The following ZBTB17 variants were observed in gnomAD, a reference collection of about 807,000 sequenced individuals.
ZBTB17 encodes the protein zinc finger and BTB domain containing 17, also known as zinc finger and BTB domain-containing protein 17.
In ZBTB17, 24 loss-of-function variants were observed where a neutral mutation model predicts 85.1. The observed-to-expected ratio is 0.28, with a 90% CI of 0.20 to 0.40. ZBTB17 has a LOEUF of 0.40. Ranked by LOEUF, ZBTB17 falls within the 10% of genes least tolerant of loss-of-function variation. ZBTB17 has a pLI of 1.00. For synonymous variants in ZBTB17, 464 were observed against 460.2 expected (o/e 1.01, Z -0.11); for missense variants, 743 against 1,105.1 (o/e 0.67, Z 4.65).
chr1:15,946,848 A>G, intron 4 of ZBTB17, 87 bp downstream of exon 4: 2 of 1,468,280 alleles, frequency 1.4e-6, no homozygotes, highest in Non-Finnish European at 1.8e-6. Flanking sequence ...AGATGAGGAA[A>G]CTGAGACCCA....
Position 15,952,451 on chromosome 1 carries a change from G to A in ZBTB17, c.-2-3954C>T, listed in dbSNP as rs2071894875. ...CGCGGCAGAACCGACACGGCGGAAC[G>A]GACGCGGATGATGCAGAGCCCCTCT... On this transcript the variant is annotated intron_variant, in intron 2 of 15. Coordinates refer to ENST00000375743, the MANE Select transcript of ZBTB17 (RefSeq NM_003443.3). The surrounding 1 kb of genome is among the most constrained non-coding windows in gnomAD (Gnocchi z 4.3). Among the ~76,000 whole-genome samples the A allele has an allele frequency of 1.3e-5, 2 of 152,248 alleles. No homozygotes were observed. Among genetic ancestry groups the A allele is most frequent in the African/African-American group, 2.4e-5 (1 of 41,460 alleles).
chr1:15,972,967 G>A (rs1347128592), intron 2 of ZBTB17, 72 bp downstream of exon 2: 1 of 152,174 alleles, frequency 6.6e-6, no homozygotes, highest in Non-Finnish European at 1.5e-5. Context: ...AGAATCATTT[G>A]AATCATGTTG....
chr1:15,970,720 T>C (rs1333561122), intron 2 of ZBTB17, among the ~76,000 whole-genome samples: 1 of 152,038 alleles, frequency 6.6e-6, no homozygotes, highest in Non-Finnish European at 1.5e-5. Context: ...AGCTAATTTT[T>C]GTATTTTTAG....
At position 15,973,604 on chromosome 1, in the gene ZBTB17, T is replaced by C. The variant is rs2072755136; in HGVS notation, c.-89-479A>G. Among the ~76,000 whole-genome samples, 1 of 152,130 alleles carries C rather than the reference T, an allele frequency of 6.6e-6. No individual in the cohort carries two copies. Among genetic ancestry groups the C allele is most frequent in the South Asian group, 2.1e-4 (1 of 4,824 alleles). ...TCCAACATGTTCAAAACTAAACATA[T>C]CTGCCCTCCCCCAGATCTGCTCCCC... On this transcript the variant is annotated intron_variant, in intron 1 of 15. Coordinates refer to ENST00000375743, the MANE Select transcript of ZBTB17 (RefSeq NM_003443.3). This position sits in a 1 kb window ranked among gnomAD's most constrained non-coding sequence, Gnocchi z 4.1.
Position 15,975,999 on chromosome 1 carries a change from C to T in ZBTB17, c.-106G>A. 1.4e-6 allele frequency: 1 copy of T among 699,346 alleles called. No homozygotes were observed. Among genetic ancestry groups the T allele is most frequent in the Non-Finnish European group, 2.6e-6 (1 of 383,320 alleles). 43.3% of individuals were successfully genotyped at this position (699,346 alleles called of 1,614,324 possible). On this transcript the variant is annotated 5_prime_UTR_variant, in exon 1 of 16. Transcript: ENST00000375743. ...GACACTCACCTGCCATGTCCCGGAC[C>T]CCACCGCAGAGGGAGGTGCATCACG...
At position 15,947,143 on chromosome 1, in the gene ZBTB17, T is replaced by C. The variant is rs1434226263; in HGVS notation, c.206-20A>G. The C allele has an allele frequency of 3.8e-6, 6 of 1,590,478 alleles. No homozygotes were observed. Among genetic ancestry groups the C allele is most frequent in the Non-Finnish European group, 5.2e-6 (6 of 1,161,774 alleles). On this transcript the variant is annotated intron_variant, in intron 3 of 15. Coordinates refer to ENST00000375743, the MANE Select transcript of ZBTB17 (RefSeq NM_003443.3). ...CCAGGCCTACCAAGGACAGGACAGC[T>C]GTCACAGACCCACCTCAAGATCCGG...
chr1:15,947,242 G>C, intron 3 of ZBTB17, 119 bp from the exon 4 acceptor site: 1 of 1,043,566 alleles, frequency 9.6e-7, no homozygotes, highest in South Asian at 1.6e-5. Context: ...TGGCAAGCCT[G>C]CATCGCCCCA....
chr1:15,955,852 AGGTGACAGAG>A (rs2072027276), intron 2 of ZBTB17, among the ~76,000 whole-genome samples: 3 of 152,174 alleles, frequency 2.0e-5, no homozygotes, highest in Admixed American at 2.0e-4. Flanking sequence ...ACTCCAGCCT[AGGTGACAGAG>A]GGAGACCCTA....
rs2072370685 is a variant in ZBTB17, at chr1:15,964,503, A to G, written c.-3+8536T>C. 6.6e-6 allele frequency among the ~76,000 whole-genome samples: 1 copy of G among 151,998 alleles called. No homozygotes were observed. Among genetic ancestry groups the G allele is most frequent in the African/African-American group, 2.4e-5 (1 of 41,390 alleles). Reference sequence around the variant, plus strand: ...GAGGCTGAGGTGGGAGGATTGCTTGAGCCCAGGAATTCAAGACTAGCTTGG... The same window carrying G: ...GAGGCTGAGGTGGGAGGATTGCTTGGGCCCAGGAATTCAAGACTAGCTTGG... On this transcript the variant is annotated intron_variant, in intron 2 of 15. Transcript: ENST00000375743. This position sits in a 1 kb window ranked among gnomAD's most constrained non-coding sequence, Gnocchi z 4.3.
intron 2 of ZBTB17, chr1:15,969,629 A>T (rs1196250312): frequency 2.3e-6 from 1 of 439,022 alleles, no homozygotes; most frequent in Non-Finnish European, 4.6e-6. Flanking sequence ...GGGCAGGGAG[A>T]TGATAAATTG....
chr1:15,942,991 C>T (rs903449592), intron 13 of ZBTB17, 73 bp downstream of exon 13: 39 of 1,587,762 alleles, frequency 2.5e-5, no homozygotes, highest in East Asian at 2.3e-5. Flanking sequence ...CTGGGGGGTC[C>T]CTTCCTTCCC....
At position 15,973,271 on chromosome 1, in the gene ZBTB17, T is replaced by C. The variant is rs1354598081; in HGVS notation, c.-89-146A>G. On this transcript the variant is annotated intron_variant, in intron 1 of 15. Transcript: ENST00000375743. This position sits in a 1 kb window ranked among gnomAD's most constrained non-coding sequence, Gnocchi z 4.1. ...CTGGCCCAAGGAAGTGCTGAATAAATGGCCTGCTCTGTGCCAGATAGCATG... is the reference window on the plus strand; with the variant it reads ...CTGGCCCAAGGAAGTGCTGAATAAACGGCCTGCTCTGTGCCAGATAGCATG... 2 of 152,196 alleles carry C rather than the reference T, an allele frequency of 1.3e-5. No individual in the cohort carries two copies. Among genetic ancestry groups the C allele is most frequent in the Non-Finnish European group, 2.9e-5 (2 of 68,040 alleles). 9.4% of individuals were successfully genotyped at this position (152,196 alleles called of 1,614,324 possible). A position where few individuals can be genotyped will look rare whatever the true frequency, so the allele number is the denominator to read the frequency against.
Position 15,967,795 on chromosome 1 carries a change from T to G in ZBTB17, c.-3+5244A>C, listed in dbSNP as rs1239152155. Among the ~76,000 whole-genome samples, 6 of 152,226 alleles carry G rather than the reference T, an allele frequency of 3.9e-5. No individual in the cohort carries two copies. The East Asian group carries it at 1.2e-3, about 29-fold the overall frequency. ...TTCAAGGTAACTATTATCCACATTT[T>G]ACAACTGAGGAAACTGAGGGTTAGA... On this transcript the variant is annotated intron_variant, in intron 2 of 15. Transcript: ENST00000375743.
intron 2 of ZBTB17, among the ~76,000 whole-genome samples, chr1:15,963,473 C>T (rs2072329632): frequency 6.6e-6 from 1 of 152,128 alleles, no homozygotes; most frequent in Admixed American, 6.6e-5. Flanking sequence ...CAAGAAAAGA[C>T]ATTTGCAGAA....
At chr1:15,947,377 C>T in intron 3 of ZBTB17, 2 of 499,848 alleles carry the variant, frequency 4.0e-6, no homozygotes, top group Non-Finnish European at 3.6e-6. Context: ...TGTGAACGCC[C>T]ACCCTGCACA....
At chr1:15,957,603 A>C (rs1431682211) in intron 2 of ZBTB17, among the ~76,000 whole-genome samples, 1 of 152,170 alleles carries the variant, frequency 6.6e-6, no homozygotes, top group Admixed American at 6.5e-5. Context: ...TGAGGTTCCT[A>C]AAAGGCCCCT....
Position 15,946,173 on chromosome 1 carries a change from C to G in ZBTB17, c.516G>C (p.Gln172His). ...SRDLKEERGG[Q>H]AQSAASGAEQ... is the part of the protein sequence containing the mutation. The stretch of plus-strand genomic sequence containing the variant: ...ACTCACCGCTGGCCGCACTCTGGGC[C>G]TGACCGCCGCGCTCCTCCTTGAGGT... The change falls in exon 5 of 16, where the codon CAG becomes CAC. Residue 172 changes from glutamine to histidine, a missense_variant. Gln to His is a conservative substitution (Grantham distance 24). Transcript: ENST00000375743. 2 of 1,609,032 alleles carry G rather than the reference C, an allele frequency of 1.2e-6. No individual in the cohort carries two copies. The highest frequency in any genetic ancestry group is 1.7e-6 in the Non-Finnish European group (2 of 1,179,958).
Position 15,945,220 on chromosome 1 carries a change from A to G in ZBTB17, c.662-18T>C, listed in dbSNP as rs1440130805. On this transcript the variant is annotated intron_variant, in intron 6 of 15. Coordinates refer to ENST00000375743, the MANE Select transcript of ZBTB17 (RefSeq NM_003443.3). ...CTCCATTTCTGCGGAGAAAAGGGCA[A>G]GCATGGAGGCGGCAGCCCTCTCTGC... is the stretch of plus-strand genomic sequence containing the variant. 1 of 1,549,378 alleles carries G rather than the reference A, an allele frequency of 6.5e-7. No individual in the cohort carries two copies. The highest frequency in any genetic ancestry group is 1.4e-5 in the African/African-American group (1 of 73,020).
In ZBTB17 at chr1:15,944,973, C is replaced by T. The variant is rs745573897; in HGVS notation, c.891G>A (p.Glu297=). ...LRSGTYGDRT[E]SKAYGSVIHK... ...GGATGACGGAGCCGTAGGCCTTGGA[C>T]TCCGTGCGGTCGCCGTAGGTGCCTG... The change falls in exon 7 of 16, where the codon GAG becomes GAA. Residue 297 remains glutamate, a synonymous_variant. Coordinates refer to ENST00000375743, the MANE Select transcript of ZBTB17 (RefSeq NM_003443.3). 6.3e-7 allele frequency: 1 copy of T among 1,583,864 alleles called. No individual in the cohort carries two copies. The highest frequency in any genetic ancestry group is 1.8e-5 in the Admixed American group (1 of 56,390).
Sources: allele counts gnomAD v4.1 joint callset (sites outside exome capture counted in the v4.1 genomes callset), GRCh38; gene constraint gnomAD v4.1.1; non-coding constraint Gnocchi (gnomAD v3.1); transcripts MANE v1.5; gene names NCBI Gene and HGNC (gene_info 2026-07-23, HGNC 2026-07-21).